The following PPP1R12A variants were observed in gnomAD, a reference collection of about 807,000 sequenced individuals.
PPP1R12A encodes protein phosphatase 1 regulatory subunit 12A.
Under a neutral mutation model 139.6 loss-of-function variants are expected in PPP1R12A, and 19 were observed. The ratio of observed to expected loss-of-function variants is 0.14; its 90% CI spans 0.09 to 0.20. PPP1R12A has a LOEUF of 0.20. Among genes scored for constraint, PPP1R12A ranks in the 10% least tolerant of loss-of-function variants. The pLI is 1.00. For synonymous variants in PPP1R12A, 427 were observed against 420.6 expected (o/e 1.02, Z -0.19); for missense variants, 925 against 1,211.5 (o/e 0.76, Z 3.51).
In PPP1R12A at chr12:79,775,877, T is replaced by C; in HGVS notation, c.*52A>G. ...GACTTCCAGTGACTGCCAATTATGG[T>C]CCACTGGGTTACTAATATGTGCAAT... On this transcript the variant is annotated 3_prime_UTR_variant, in exon 25 of 25. Coordinates refer to ENST00000450142, the MANE Select transcript of PPP1R12A (RefSeq NM_002480.3). 2 of 1,290,422 alleles carry C rather than the reference T, an allele frequency of 1.5e-6. No individual in the cohort carries two copies. Among genetic ancestry groups the C allele is most frequent in the South Asian group, 1.5e-5 (1 of 68,630 alleles). The allele number at this position is 1,290,422 out of a possible 1,614,324, so 79.9% of individuals were successfully genotyped here. A position where few individuals can be genotyped will look rare whatever the true frequency, so the allele number is the denominator to read the frequency against.
Position 79,794,580 on chromosome 12 carries a change from T to TA in PPP1R12A, c.2584-653dup, listed in dbSNP as rs201224073. Reference sequence around the variant, plus strand: ...AAGTTGACCTAAATATGTTGTTTATTAAAAAAAACACAAATAAATTGAAAA... The same window carrying TA: ...AAGTTGACCTAAATATGTTGTTTATTAAAAAAAAACACAAATAAATTGAAAA... On this transcript the variant is annotated intron_variant, in intron 18 of 24. Coordinates refer to ENST00000450142, the MANE Select transcript of PPP1R12A (RefSeq NM_002480.3). Among the ~76,000 whole-genome samples the TA allele has an allele frequency of 6.6e-3, 1,007 of 151,592 alleles. 7 individuals are homozygous for TA. Among genetic ancestry groups the TA allele is most frequent in the Admixed American group, 0.011 (172 of 15,198 alleles).
Position 79,809,992 on chromosome 12 carries a change from T to C in PPP1R12A, c.1258A>G (p.Lys420Glu). The C allele has an allele frequency of 6.2e-7, 1 of 1,612,348 alleles. No individual in the cohort carries two copies. The highest frequency in any genetic ancestry group is 1.1e-5 in the South Asian group (1 of 90,558). ...PIKKFPTTAT[K>E]ISPKEEERKD... is the part of the protein sequence containing the mutation. ...CTCTCTTCTTCTTTGGGAGAAATTTTTGTAGCTGTGGTTGGAAACTGTGTT... is the reference window on the plus strand; with the variant it reads ...CTCTCTTCTTCTTTGGGAGAAATTTCTGTAGCTGTGGTTGGAAACTGTGTT... Residue 420 changes from lysine (K) to glutamate (E), a missense_variant, in exon 10 of 25, where the codon AAA becomes GAA. By Grantham distance (56) the Lys-to-Glu change is moderately conservative. Around this residue, in one of 4 missense-constraint regions of PPP1R12A, gnomAD observed 403 missense variants for 463.7 expected, o/e 0.87. Transcript: ENST00000450142.
intron 1 of PPP1R12A, among the ~76,000 whole-genome samples, chr12:79,928,446 ATTTG>A (rs1888010103): frequency 1.3e-5 from 2 of 152,136 alleles, no homozygotes; most frequent in Admixed American, 6.5e-5. Flanking sequence ...GGAGGGTTTT[ATTTG>A]TTTGTTTAGG....
In PPP1R12A at chr12:79,788,786, T is replaced by C. The variant is rs1298093588; in HGVS notation, c.2667-3A>G. The C allele has an allele frequency of 5.0e-6, 8 of 1,585,656 alleles. No homozygotes were observed. The highest frequency in any genetic ancestry group is 6.9e-6 in the Non-Finnish European group (8 of 1,166,020). ...CTGATGTAGAACTGGTTTCATATCTTCAAAAGATTAATTTAAATAAAAAAC... is the reference window on the plus strand; with the variant it reads ...CTGATGTAGAACTGGTTTCATATCTCCAAAAGATTAATTTAAATAAAAAAC... On this transcript the variant is annotated splice_polypyrimidine_tract_variant and splice_region_variant and intron_variant, in intron 20 of 24. Transcript: ENST00000450142.
chr12:79,839,682 G>C (rs1488905980), intron 3 of PPP1R12A, among the ~76,000 whole-genome samples: 2 of 152,122 alleles, frequency 1.3e-5, no homozygotes, highest in Non-Finnish European at 2.9e-5. Flanking sequence ...CTGCCACCGT[G>C]TGAAGAAGGA....
At chr12:79,791,619 T>A (rs906687517) in intron 19 of PPP1R12A, among the ~76,000 whole-genome samples, 1 of 152,186 alleles carries the variant, frequency 6.6e-6, no homozygotes, top group African/African-American at 2.4e-5. Flanking sequence ...TGAGCCACCA[T>A]GCCCGGCCTA....
At chr12:79,906,315 T>C (rs1206486540) in intron 1 of PPP1R12A, among the ~76,000 whole-genome samples, 1 of 151,936 alleles carries the variant, frequency 6.6e-6, no homozygotes, top group African/African-American at 2.4e-5. Context: ...CCCACAAATA[T>C]ACAAAATACA....
chr12:79,880,109 A>G (rs74840054), intron 1 of PPP1R12A, among the ~76,000 whole-genome samples: 2,053 of 152,260 alleles, frequency 0.013, 52 homozygotes, highest in African/African-American at 0.047. Flanking sequence ...TATATACTAA[A>G]AAGTATATAT....
chr12:79,810,832 T>C (rs757871650), intron 9 of PPP1R12A, among the ~76,000 whole-genome samples: 2 of 152,210 alleles, frequency 1.3e-5, no homozygotes, highest in Non-Finnish European at 2.9e-5. Context: ...AAAAATTTTG[T>C]GTCCAATATA....
At chr12:79,902,260 A>G (rs1391635425) in intron 1 of PPP1R12A, among the ~76,000 whole-genome samples, 5 of 152,184 alleles carry the variant, frequency 3.3e-5, no homozygotes, top group Admixed American at 2.6e-4. Context: ...TCTAAGCCTC[A>G]AGTGTTACTA....
chr12:79,805,866 G>A, intron 13 of PPP1R12A, 98 bp from the exon 14 acceptor site: 2 of 1,297,916 alleles, frequency 1.5e-6, no homozygotes, highest in South Asian at 1.6e-5. Context: ...CTACAGGGAT[G>A]GATTTTTTTA....
intron 1 of PPP1R12A, among the ~76,000 whole-genome samples, chr12:79,903,918 C>T (rs2698278): frequency 0.21 from 31,510 of 152,052 alleles, 5,891 homozygotes; most frequent in African/African-American, 0.5. Flanking sequence ...CATTAGATAT[C>T]TTCCTTGAAA....
At chr12:79,808,421 C>T in intron 11 of PPP1R12A, 62 bp downstream of exon 11, 1 of 1,131,156 alleles carries the variant, frequency 8.8e-7, no homozygotes, top group Non-Finnish European at 1.3e-6. Context: ...CATGTATTAA[C>T]TCTAATGCTA....
At chr12:79,791,693 A>G (rs1164522651) in intron 19 of PPP1R12A, among the ~76,000 whole-genome samples, 4 of 152,162 alleles carry the variant, frequency 2.6e-5, no homozygotes, top group Admixed American at 2.6e-4. Flanking sequence ...TACCATGTAA[A>G]CCATTTTTTA....
At chr12:79,898,939 A>G (rs1289609304) in intron 1 of PPP1R12A, among the ~76,000 whole-genome samples, 1 of 152,070 alleles carries the variant, frequency 6.6e-6, no homozygotes, top group Non-Finnish European at 1.5e-5. Context: ...TTCGCATTTT[A>G]TTGTATGAAA....
chr12:79,776,585 A>T (rs1202960483), intron 24 of PPP1R12A, among the ~76,000 whole-genome samples: 2 of 152,164 alleles, frequency 1.3e-5, no homozygotes, highest in East Asian at 3.9e-4. Flanking sequence ...ACAAGCAATT[A>T]CTATTATTAG....
chr12:79,928,753 A>T (rs759264247), intron 1 of PPP1R12A, among the ~76,000 whole-genome samples: 1 of 152,222 alleles, frequency 6.6e-6, no homozygotes, highest in African/African-American at 2.4e-5. Context: ...AATTGCTTCC[A>T]GTCTCTTTTA....
At chr12:79,924,581 G>A (rs552635265) in intron 1 of PPP1R12A, among the ~76,000 whole-genome samples, 15 of 151,640 alleles carry the variant, frequency 9.9e-5, no homozygotes, top group Admixed American at 2.0e-4. Flanking sequence ...GATGCGTGTC[G>A]CCATGCTCAG....
At chr12:79,794,362 C>T (rs575898805) in intron 18 of PPP1R12A, among the ~76,000 whole-genome samples, 5 of 151,908 alleles carry the variant, frequency 3.3e-5, no homozygotes, top group South Asian at 2.1e-4. Context: ...ATGGACAATG[C>T]GAAGATACTA....
Sources: gnomAD v4.1 joint callset for allele counts (sites outside exome capture counted in the v4.1 genomes callset) on GRCh38, gnomAD v4.1.1 for gene constraint, gnomAD v4.1.1 regional missense constraint, MANE v1.5 for transcripts, NCBI Gene and HGNC (gene_info 2026-07-23, HGNC 2026-07-21) for gene names.